The following C8orf34 variants were observed in gnomAD, a reference collection of about 807,000 sequenced individuals.
C8orf34 encodes chromosome 8 open reading frame 34, also known as uncharacterized protein C8orf34.
In C8orf34, 65 loss-of-function variants were observed where a neutral mutation model predicts 68.3. The observed-to-expected ratio is 0.95, with a 90% confidence interval of 0.78 to 1.17. C8orf34 has a LOEUF of 1.17. Among genes scored for constraint, C8orf34 ranks in the 50% most tolerant of loss-of-function variants. The pLI is 0.00. For synonymous variants in C8orf34, 244 were observed against 241.2 expected (o/e 1.01, Z -0.11); for missense variants, 664 against 655.4 (o/e 1.01, Z -0.14).
intron 1 of C8orf34, among the ~76,000 whole-genome samples, chr8:68,385,934 C>T (rs891072492): frequency 1.3e-5 from 2 of 152,266 alleles, no homozygotes; most frequent in East Asian, 3.9e-4. Context: ...GGATTTCTCA[C>T]TGTTGCCCAG....
chr8:68,760,043 G>C (rs1822979400), intron 10 of C8orf34, among the ~76,000 whole-genome samples: 1 of 152,214 alleles, frequency 6.6e-6, no homozygotes, highest in Non-Finnish European at 1.5e-5. Context: ...GAGAGGCAGA[G>C]GCACACAAAG....
At chr8:68,737,658 A>T (rs765893565) in intron 10 of C8orf34, among the ~76,000 whole-genome samples, 3 of 152,024 alleles carry the variant, frequency 2.0e-5, no homozygotes, top group Non-Finnish European at 4.4e-5. Context: ...ATCAACAAAG[A>T]TTAAAAAAAA....
upstream of C8orf34, among the ~76,000 whole-genome samples, chr8:68,330,522 C>T (rs1805520251): frequency 6.6e-6 from 1 of 152,168 alleles, no homozygotes; most frequent in African/African-American, 2.4e-5. Flanking sequence ...CCTTCTCAAC[C>T]CCTGCGCTAG....
intron 7 of C8orf34, among the ~76,000 whole-genome samples, chr8:68,542,238 G>T (rs1305904390): frequency 6.6e-6 from 1 of 152,088 alleles, no homozygotes; most frequent in African/African-American, 2.4e-5. Flanking sequence ...CTGCCTCAAA[G>T]AAATAAACAT....
intron 5 of C8orf34, among the ~76,000 whole-genome samples, chr8:68,516,357 A>T (rs576137772): frequency 6.6e-6 from 1 of 152,328 alleles, no homozygotes; most frequent in African/African-American, 2.4e-5. Flanking sequence ...GGAGCAAAGG[A>T]GTTTAAGATA....
chr8:68,440,488 G>A (rs1810854846), intron 2 of C8orf34, among the ~76,000 whole-genome samples: 1 of 152,138 alleles, frequency 6.6e-6, no homozygotes, highest in Non-Finnish European at 1.5e-5. Context: ...AGAGAGTAGG[G>A]TGTCCTCTGA....
chr8:68,794,505 A>ATATT (rs1313909362), intron 12 of C8orf34, among the ~76,000 whole-genome samples: 9 of 62,238 alleles, frequency 1.4e-4, no homozygotes, highest in African/African-American at 4.9e-4. Context: ...ATATATATAT[A>ATATT]TTTTTTTTTT....
At chr8:68,360,070 C>A (rs948717558) in intron 1 of C8orf34, among the ~76,000 whole-genome samples, 6 of 152,170 alleles carry the variant, frequency 3.9e-5, no homozygotes, top group African/African-American at 1.4e-4. Context: ...ACTTCCCTTA[C>A]CTCTTTGTTT....
chr8:68,411,411 T>A (rs1809436619), intron 1 of C8orf34, among the ~76,000 whole-genome samples: 1 of 152,176 alleles, frequency 6.6e-6, no homozygotes, highest in Non-Finnish European at 1.5e-5. Context: ...TCAGCAGAAA[T>A]TAGATTTTAT....
chr8:68,698,305 A>G (rs1369117077), intron 8 of C8orf34, among the ~76,000 whole-genome samples: 1 of 152,080 alleles, frequency 6.6e-6, no homozygotes, highest in Admixed American at 6.6e-5. Flanking sequence ...ACTAGTTATC[A>G]CAATTTATTT....
At position 68,774,357 on chromosome 8, in the gene C8orf34, C is replaced by T. The variant is rs1226988873; in HGVS notation, c.1405-2042C>T. Among the ~76,000 whole-genome samples, 406 of 112,764 alleles carry T rather than the reference C, an allele frequency of 3.6e-3. 2 individuals carry two copies. Among genetic ancestry groups the T allele is most frequent in the African/African-American group, 0.02 (387 of 19,020 alleles). The allele number at this position is 112,764 out of a possible 152,430, so 74.0% of individuals were successfully genotyped here. On this transcript the variant is annotated intron_variant, in intron 10 of 13. Coordinates refer to ENST00000518698, the MANE Select transcript of C8orf34 (RefSeq NM_052958.4). ...TATATATATATATATATAAAATAAA[C>T]AAAAAAATAAACAGTTTATCTGAAA...
chr8:68,797,763 A>G (rs1383395511), intron 12 of C8orf34, among the ~76,000 whole-genome samples: 1 of 152,232 alleles, frequency 6.6e-6, no homozygotes. Flanking sequence ...TATAAAGGCT[A>G]AAATGAGTTA....
intron 3 of C8orf34, among the ~76,000 whole-genome samples, chr8:68,453,782 C>A (rs201003597): frequency 1.3e-5 from 2 of 151,874 alleles, no homozygotes; most frequent in Non-Finnish European, 2.9e-5. Flanking sequence ...TGCCTAATTG[C>A]CCCAGCTAGA....
intron 10 of C8orf34, among the ~76,000 whole-genome samples, chr8:68,745,777 T>A (rs1184239308): frequency 2.6e-5 from 4 of 152,060 alleles, no homozygotes; most frequent in African/African-American, 9.6e-5. Flanking sequence ...CTCCCACACA[T>A]TAATAATGGG....
intron 1 of C8orf34, among the ~76,000 whole-genome samples, chr8:68,376,159 C>T (rs1003254506): frequency 8.0e-6 from 1 of 124,490 alleles, no homozygotes; most frequent in Admixed American, 8.1e-5. Flanking sequence ...AAGGAATAAT[C>T]ATATGGCCTG....
intron 3 of C8orf34, chr8:68,447,143 G>A (rs957183259): frequency 6.6e-6 from 1 of 152,670 alleles, no homozygotes; most frequent in African/African-American, 2.4e-5. Flanking sequence ...ATCATATGGC[G>A]AGAGGAAGGA....
intron 1 of C8orf34, among the ~76,000 whole-genome samples, chr8:68,436,819 T>A (rs1810688224): frequency 6.6e-6 from 1 of 152,204 alleles, no homozygotes; most frequent in Admixed American, 6.5e-5. Flanking sequence ...TATCAGTCCC[T>A]CAGGTCTACC....
intron 1 of C8orf34, among the ~76,000 whole-genome samples, chr8:68,394,645 A>T (rs1476813518): frequency 6.6e-6 from 1 of 152,138 alleles, no homozygotes; most frequent in African/African-American, 2.4e-5. Context: ...ATTTTCTATG[A>T]TTTTAATGAT....
chr8:68,516,666 G>A (rs1814532432), intron 5 of C8orf34, among the ~76,000 whole-genome samples: 2 of 125,820 alleles, frequency 1.6e-5, no homozygotes, highest in Non-Finnish European at 1.6e-5. Flanking sequence ...TATTTGAGAT[G>A]GAGTCTCTTT....
Sources: gnomAD v4.1 joint callset for allele counts (sites outside exome capture counted in the v4.1 genomes callset) on GRCh38, gnomAD v4.1.1 for gene constraint, MANE v1.5 for transcripts, NCBI Gene and HGNC (gene_info 2026-07-23, HGNC 2026-07-21) for gene names.